The following EIF2D variants were observed in gnomAD, a reference collection of about 807,000 sequenced individuals.
EIF2D encodes eukaryotic translation initiation factor 2D, also known as hepatocellular carcinoma-associated antigen 56.
Under a neutral mutation model 77.4 loss-of-function variants are expected in EIF2D, and 56 were observed. The observed-to-expected ratio is 0.72, with a 90% CI of 0.58 to 0.90. EIF2D has a LOEUF of 0.90. Ranked by LOEUF, EIF2D falls within the 40% of genes least tolerant of loss-of-function variation. The probability of loss-of-function intolerance (pLI) is 0.00; values close to 1 mark genes in which losing one functional copy is unlikely to be tolerated. For missense variants in EIF2D, 574 were observed against 706.5 expected (o/e 0.81, Z 2.13); for synonymous variants, 230 against 271.0 (o/e 0.85, Z 1.49).
intron 6 of EIF2D, 96 bp from the exon 7 acceptor site, chr1:206,602,549 T>A: frequency 8.9e-7 from 1 of 1,121,556 alleles, no homozygotes; most frequent in East Asian, 2.4e-5. Context: ...CTCACCCACT[T>A]GGCTCTGAAA....
intron 5 of EIF2D, chr1:206,605,181 A>G: frequency 2.4e-6 from 1 of 423,284 alleles, no homozygotes; most frequent in South Asian, 3.7e-5. Flanking sequence ...TTTGGGTCTA[A>G]GATTCTATAA....
chr1:206,573,192 G>A (rs1668511311), intron 4 of EIF2D, among the ~76,000 whole-genome samples: 1 of 152,178 alleles, frequency 6.6e-6, no homozygotes, highest in Non-Finnish European at 1.5e-5. Flanking sequence ...TCCGTGTGGT[G>A]GCTCATGCCT....
chr1:206,612,072 T>C (rs1670523973), intron 1 of EIF2D, among the ~76,000 whole-genome samples: 2 of 152,254 alleles, frequency 1.3e-5, no homozygotes, highest in Non-Finnish European at 2.9e-5. Flanking sequence ...CGTTTTCTTT[T>C]AAACTCACTA....
At chr1:206,600,521 C>T (rs185528908) in intron 7 of EIF2D, 26 of 511,642 alleles carry the variant, frequency 5.1e-5, no homozygotes, top group Non-Finnish European at 7.7e-5. Context: ...TTTCCATAGA[C>T]GTGGAATGTT....
rs1670009436 is a variant in EIF2D at position 206,603,090 on chromosome 1, C to A, written c.645G>T (p.Met215Ile). Residue 215 changes from methionine (M) to isoleucine (I), a missense_variant, in exon 6 of 15, where the codon ATG (methionine) becomes ATT (isoleucine). Met to Ile is a conservative substitution (Grantham distance 10). Transcript: ENST00000271764. Reference protein sequence around the residue: ...VQMDSTLQGDMRHMTLEGEEE... With the variant: ...VQMDSTLQGDIRHMTLEGEEE... ...CTTCCCCCTCCAGGGTCATGTGCCT[C>A]ATGTCTCCCTGCAGGGTGGAGTCCA... The A allele has an allele frequency of 1.2e-6, 2 of 1,614,192 alleles. No individual in the cohort carries two copies. Among genetic ancestry groups the A allele is most frequent in the African/African-American group, 2.7e-5 (2 of 75,032 alleles).
intron 5 of EIF2D, among the ~76,000 whole-genome samples, chr1:206,603,764 G>A (rs1419485806): frequency 2.0e-5 from 3 of 152,184 alleles, no homozygotes; most frequent in South Asian, 2.1e-4. Context: ...TAAGCCTTAG[G>A]AAGACAGGAA....
At chr1:206,587,022 T>C (rs781953270), downstream of EIF2D, 2 of 1,602,882 alleles carry the variant, frequency 1.2e-6, no homozygotes, top group East Asian at 4.5e-5. Context: ...GATTTATTTG[T>C]ATTATTAATT....
At chr1:206,589,630 C>T (rs534481809), downstream of EIF2D, among the ~76,000 whole-genome samples, 1 of 151,932 alleles carries the variant, frequency 6.6e-6, no homozygotes, top group African/African-American at 2.4e-5. Flanking sequence ...TCTTCTACTT[C>T]TGGAATTATT....
chr1:206,602,433 G>C lies in EIF2D; in HGVS notation c.805C>G (p.Gln269Glu), dbSNP rs782508989. Residue 269 changes from glutamine to glutamate, a missense_variant, in exon 7 of 15, where the codon CAG becomes GAG. By Grantham distance (29) the Gln-to-Glu change is conservative (BLOSUM62 2). Coordinates refer to ENST00000271764, the MANE Select transcript of EIF2D (RefSeq NM_006893.3). Reference sequence around the variant, plus strand: ...TTCAAGGCATGTAAGAAGCATTGCTGTAACAGCTCATCCATTTGTTCTGCA... The same window carrying C: ...TTCAAGGCATGTAAGAAGCATTGCTCTAACAGCTCATCCATTTGTTCTGCA... ...TLQEQMDELL[Q>E]QCFLHALKCR... 3 of 1,613,990 alleles carry C rather than the reference G, an allele frequency of 1.9e-6. No individual in the cohort carries two copies. The highest frequency in any genetic ancestry group is 1.7e-5 in the Admixed American group (1 of 60,020).
chr1:206,574,048 A>G (rs1930434), intron 4 of EIF2D, among the ~76,000 whole-genome samples: 42,957 of 152,188 alleles, frequency 0.28, 6,429 homozygotes, highest in East Asian at 0.51. Context: ...GTGCCTGACT[A>G]CTGTCGGTTT....
At chr1:206,608,147 T>C in intron 4 of EIF2D, 89 bp downstream of exon 4, 2 of 1,282,968 alleles carry the variant, frequency 1.6e-6, no homozygotes, top group Non-Finnish European at 2.2e-6. Flanking sequence ...TTCACTCTTT[T>C]GTTCATATGC....
In EIF2D at chr1:206,584,521, C is replaced by T. The variant is rs201417666; in HGVS notation, c.139-3359G>A. The T allele has an allele frequency of 4.2e-5, 68 of 1,614,178 alleles. 4 individuals are homozygous for T. The Middle Eastern group carries it at 9.4e-3, about 223-fold the overall frequency. Reference sequence around the variant, plus strand: ...AGGTGAACCTGGCGGCTACCACGGACAAGCGGACATCCTTCTACCTGCCCC... The same window carrying T: ...AGGTGAACCTGGCGGCTACCACGGATAAGCGGACATCCTTCTACCTGCCCC... On this transcript the variant is annotated intron_variant and NMD_transcript_variant, in intron 2 of 5. Coordinates refer to the EIF2D transcript ENST00000472709. The surrounding 1 kb of genome is among the most constrained non-coding windows in gnomAD (Gnocchi z 4.9).
In EIF2D at chr1:206,579,046, T is replaced by TG. The variant is rs1668767065; in HGVS notation, c.*254+1645dup. Among the ~76,000 whole-genome samples the TG allele has an allele frequency of 6.6e-6, 1 of 152,190 alleles. No individual in the cohort carries two copies. Among genetic ancestry groups the TG allele is most frequent in the Admixed American group, 6.5e-5 (1 of 15,278 alleles). The stretch of plus-strand genomic sequence containing the variant: ...ATCACTCAGGGTCGGGGTGTCGCTG[T>TG]GAACCCCTAGCACCCAGCCTCTTTA... On this transcript the variant is annotated intron_variant and NMD_transcript_variant, in intron 4 of 5. Coordinates refer to the EIF2D transcript ENST00000472709. This position sits in a 1 kb window ranked among gnomAD's most constrained non-coding sequence, Gnocchi z 4.2.
At chr1:206,578,229 AAAAAGT>A (rs1351544602) in intron 4 of EIF2D, among the ~76,000 whole-genome samples, 1 of 111,282 alleles carries the variant, frequency 9.0e-6, no homozygotes, top group Non-Finnish European at 1.9e-5. Context: ...TCTCAAAAAA[AAAAAGT>A]GTGTGTGTGT....
At chr1:206,583,445 C>T (rs1422933722) in intron 2 of EIF2D, 14 of 1,087,904 alleles carry the variant, frequency 1.3e-5, no homozygotes, top group Non-Finnish European at 2.0e-5. Flanking sequence ...GGCGCCTCTG[C>T]CCTCACTCTG....
chr1:206,585,863 G>A (rs546086022), intron 2 of EIF2D: 3 of 152,520 alleles, frequency 2.0e-5, no homozygotes, highest in East Asian at 3.9e-4. Flanking sequence ...AAGGAGTTTT[G>A]GGAGTCACTG....
At chr1:206,602,742 C>T (rs1456991626) in intron 6 of EIF2D, 1 of 755,730 alleles carries the variant, frequency 1.3e-6, no homozygotes. Context: ...AATGCCAGGG[C>T]AGATTAGCTC....
chr1:206,584,454 C>T lies in EIF2D; in HGVS notation c.139-3292G>A, dbSNP rs782546661. The T allele has an allele frequency of 5.0e-6, 8 of 1,614,186 alleles. No homozygotes were observed. In the South Asian group the frequency reaches 8.8e-5, roughly 18 times the overall value. On this transcript the variant is annotated intron_variant and NMD_transcript_variant, in intron 2 of 5. Transcript: ENST00000472709. The surrounding 1 kb of genome is among the most constrained non-coding windows in gnomAD (Gnocchi z 4.9). The stretch of plus-strand genomic sequence containing the variant: ...AAACTCCGGCGGCCTGTGACGGTGC[C>T]TGCTGGGATCCGGCCCCAGTCCATC...
chr1:206,591,615 A>T (rs1663929118), downstream of EIF2D: 2 of 690,196 alleles, frequency 2.9e-6, no homozygotes, highest in African/African-American at 3.6e-5. Flanking sequence ...ATTTTAGCTA[A>T]GTGGAGGAAA....
Sources: allele counts gnomAD v4.1 joint callset (sites outside exome capture counted in the v4.1 genomes callset), GRCh38; gene constraint gnomAD v4.1.1; non-coding constraint Gnocchi (gnomAD v3.1); transcripts MANE v1.5; gene names NCBI Gene and HGNC (gene_info 2026-07-23, HGNC 2026-07-21).